RAB18: variants seen among roughly 807,000 people sequenced by gnomAD.
RAB18 encodes ras-related protein Rab-18.
Under a neutral mutation model 28.5 loss-of-function variants are expected in RAB18, and 10 were observed. The observed-to-expected ratio is 0.35, with a 90% CI of 0.22 to 0.60. RAB18 has a LOEUF of 0.60. RAB18 is among the 20% of genes least tolerant of loss of function. RAB18 has a pLI of 0.78. For synonymous variants in RAB18, 93 were observed against 86.9 expected, an observed-to-expected ratio of 1.07 and a Z score of -0.39; for missense variants, 188 against 244.2, an observed-to-expected ratio of 0.77 and a Z score of 1.53.
intron 2 of RAB18, among the ~76,000 whole-genome samples, chr10:27,512,083 C>G (rs1834336110): frequency 6.6e-6 from 1 of 151,890 alleles, no homozygotes; most frequent in African/African-American, 2.4e-5. Context: ...TACCACCATG[C>G]CCAGCTCAGG....
In RAB18 at chr10:27,539,367, T is replaced by C. The variant is rs1834974366; in HGVS notation, c.*1316T>C. On this transcript the variant is annotated 3_prime_UTR_variant, in exon 7 of 7. Transcript: ENST00000356940. ...ATACAATTGCAAATGATAAGCATTTTTGTGAGTGACCACCTTTGCAATATG... is the reference window on the plus strand; with the variant it reads ...ATACAATTGCAAATGATAAGCATTTCTGTGAGTGACCACCTTTGCAATATG... 3.4e-6 allele frequency: 1 copy of C among 296,260 alleles called. No individual in the cohort carries two copies. The highest frequency in any genetic ancestry group is 6.5e-6 in the Non-Finnish European group (1 of 153,414). 18.4% of individuals were successfully genotyped at this position (296,260 alleles called of 1,614,324 possible).
rs1216489947 is a variant in RAB18 at position 27,537,935 on chromosome 10, A to G, written c.505A>G (p.Ile169Val). 1 of 1,613,942 alleles carries G rather than the reference A, an allele frequency of 6.2e-7. No homozygotes were observed. Among genetic ancestry groups the G allele is most frequent in the African/African-American group, 1.3e-5 (1 of 74,922 alleles). Reference protein sequence around the residue: ...QCAFEELVEKIIQTPGLWESE... With the variant: ...QCAFEELVEKVIQTPGLWESE... ...TGCCTTTGAAGAACTTGTTGAAAAGATCATTCAGACCCCTGGACTGTGGGA... is the reference window on the plus strand; with the variant it reads ...TGCCTTTGAAGAACTTGTTGAAAAGGTCATTCAGACCCCTGGACTGTGGGA... The change falls in exon 7 of 7, where the codon ATC becomes GTC. Residue 169 changes from isoleucine to valine, a missense_variant. Coordinates refer to ENST00000356940, the MANE Select transcript of RAB18 (RefSeq NM_021252.5).
At chr10:27,532,758 T>C (rs527834601) in intron 4 of RAB18, among the ~76,000 whole-genome samples, 179 bp downstream of exon 4, 1 of 152,178 alleles carries the variant, frequency 6.6e-6, no homozygotes, top group East Asian at 1.9e-4. Context: ...TTTAGTCTTG[T>C]CTAGCACTTA....
chr10:27,526,874 T>C lies in RAB18; in HGVS notation c.171T>C (p.Ala57=), dbSNP rs1834682879. ...CAATTTCAGTGGATGGAAATAAGGC[T>C]AAACTTGCAATATGGGTAAGAGTTT... ...VKTISVDGNK[A]KLAIWDTAGQ... Residue 57 remains alanine, a synonymous_variant, in exon 3 of 7, where the codon GCT becomes GCC. Coordinates refer to ENST00000356940, the MANE Select transcript of RAB18 (RefSeq NM_021252.5). 1.2e-6 allele frequency: 2 copies of C among 1,613,166 alleles called. No individual in the cohort carries two copies. Among genetic ancestry groups the C allele is most frequent in the Non-Finnish European group, 1.7e-6 (2 of 1,179,362 alleles).
intron 2 of RAB18, among the ~76,000 whole-genome samples, chr10:27,522,539 T>G (rs1415207274): frequency 6.6e-6 from 1 of 152,186 alleles, no homozygotes; most frequent in Non-Finnish European, 1.5e-5. Flanking sequence ...TCTATTTGCA[T>G]TTAATATACC....
At chr10:27,525,002 G>C (rs1285453760) in intron 2 of RAB18, among the ~76,000 whole-genome samples, 1 of 152,164 alleles carries the variant, frequency 6.6e-6, no homozygotes, top group Non-Finnish European at 1.5e-5. Flanking sequence ...GTAAGTTTCA[G>C]ATATAATATG....
Position 27,542,183 on chromosome 10 carries a change from T to G in RAB18, c.*4132T>G. On this transcript the variant is annotated 3_prime_UTR_variant, in exon 7 of 7. Coordinates refer to ENST00000356940, the MANE Select transcript of RAB18 (RefSeq NM_021252.5). ...GGATCAAATTGGACCTGAATTGAGATCTATTTCTCAGCTTTCACTTATGTG... is the reference window on the plus strand; with the variant it reads ...GGATCAAATTGGACCTGAATTGAGAGCTATTTCTCAGCTTTCACTTATGTG... 1 of 454,140 alleles carries G rather than the reference T, an allele frequency of 2.2e-6. No homozygotes were observed. The highest frequency in any genetic ancestry group is 4.4e-6 in the Non-Finnish European group (1 of 226,800). The allele number at this position is 454,140 out of a possible 1,614,324, so 28.1% of individuals were successfully genotyped here.
At chr10:27,534,194 C>T (rs1351227262) in intron 6 of RAB18, among the ~76,000 whole-genome samples, 200 bp downstream of exon 6, 1 of 152,086 alleles carries the variant, frequency 6.6e-6, no homozygotes, top group Non-Finnish European at 1.5e-5. Flanking sequence ...TATGTGAAAT[C>T]ATATTAAAAA....
chr10:27,539,485 A>G lies in RAB18; in HGVS notation c.*1434A>G, dbSNP rs1267536775. ...CTACTTGATTTACACTTCCTAGTCTACATTACATGTGGTTGAAGGTTTTAT... is the reference window on the plus strand; with the variant it reads ...CTACTTGATTTACACTTCCTAGTCTGCATTACATGTGGTTGAAGGTTTTAT... On this transcript the variant is annotated 3_prime_UTR_variant, in exon 7 of 7. Transcript: ENST00000356940. 8.9e-6 allele frequency: 3 copies of G among 337,924 alleles called. No individual in the cohort carries two copies. Among genetic ancestry groups the G allele is most frequent in the Admixed American group, 8.8e-5 (2 of 22,690 alleles). The allele number at this position is 337,924 out of a possible 1,614,324, so 20.9% of individuals were successfully genotyped here.
chr10:27,526,931 C>T (rs1834684347), intron 3 of RAB18, 42 bp downstream of exon 3: 1 of 1,570,598 alleles, frequency 6.4e-7, no homozygotes, highest in South Asian at 1.1e-5. Context: ...TTAAACTTTA[C>T]TTTTTAAGGA....
chr10:27,523,695 C>T (rs1431209753), intron 2 of RAB18, among the ~76,000 whole-genome samples: 3 of 151,146 alleles, frequency 2.0e-5, no homozygotes, highest in Admixed American at 2.0e-4. Context: ...ACATTTCAGC[C>T]TCGACCTTTC....
chr10:27,524,065 G>GCAAGACTC (rs1834624375), intron 2 of RAB18, among the ~76,000 whole-genome samples: 1 of 151,550 alleles, frequency 6.6e-6, no homozygotes, highest in South Asian at 2.1e-4. Flanking sequence ...GGCCAACAGA[G>GCAAGACTC]CAAGACTCCG....
intron 6 of RAB18, among the ~76,000 whole-genome samples, 197 bp downstream of exon 6, chr10:27,534,191 A>C (rs1318678597): frequency 1.3e-5 from 2 of 152,186 alleles, no homozygotes; most frequent in Non-Finnish European, 2.9e-5. Flanking sequence ...TATTATGTGA[A>C]ATCATATTAA....
chr10:27,526,705 A>G (rs1238776316), intron 2 of RAB18, 123 bp from the exon 3 acceptor site: 1 of 1,139,390 alleles, frequency 8.8e-7, no homozygotes, highest in Non-Finnish European at 1.3e-6. Context: ...CCAGAATTCT[A>G]AGAAGTTGGG....
intron 2 of RAB18, among the ~76,000 whole-genome samples, chr10:27,514,733 ACATT>A (rs996005897): frequency 1.3e-5 from 2 of 152,074 alleles, no homozygotes; most frequent in African/African-American, 4.8e-5. Flanking sequence ...ATAAAAATAA[ACATT>A]CATACACACA....
In RAB18 at chr10:27,504,333, G is replaced by T; in HGVS notation, c.-37G>T. On this transcript the variant is annotated 5_prime_UTR_variant, in exon 1 of 7. Transcript: ENST00000356940. ...TGCTGAAGGGCTGAGAGGCGCACCC[G>T]GGCGGCCAGCTGGGCTCGGAGCGGA... 1 of 1,558,602 alleles carries T rather than the reference G, an allele frequency of 6.4e-7. No homozygotes were observed. Among genetic ancestry groups the T allele is most frequent in the East Asian group, 2.3e-5 (1 of 42,562 alleles).
intron 2 of RAB18, among the ~76,000 whole-genome samples, chr10:27,514,922 C>A (rs1834405368): frequency 6.6e-6 from 1 of 151,988 alleles, no homozygotes; most frequent in South Asian, 2.1e-4. Context: ...GCCACCATGC[C>A]CGGGTGATCT....
At chr10:27,529,479 C>T (rs1254711118) in intron 3 of RAB18, among the ~76,000 whole-genome samples, 1 of 151,838 alleles carries the variant, frequency 6.6e-6, no homozygotes, top group East Asian at 1.9e-4. Flanking sequence ...TAGCCCTGCC[C>T]CTCCTACCTC....
rs58688075 is a variant in RAB18 at position 27,520,916 on chromosome 10, CAAAAA to C, written c.125-5891_125-5887del. ...TGGGTGACAGAGCAAGACTCCATCT[CAAAAA>C]AAAAAAAAAAAAAAAAAAAAGAAAA... On this transcript the variant is annotated intron_variant, in intron 2 of 6. Coordinates refer to ENST00000356940, the MANE Select transcript of RAB18 (RefSeq NM_021252.5). Among the ~76,000 whole-genome samples, 8 of 40,090 alleles carry C rather than the reference CAAAAA, an allele frequency of 2.0e-4. No individual in the cohort carries two copies. In the Admixed American group the frequency reaches 2.2e-3, roughly 11 times the overall value. 26.3% of individuals were successfully genotyped at this position (40,090 alleles called of 152,430 possible).
Sources: allele counts gnomAD v4.1 joint callset (sites outside exome capture counted in the v4.1 genomes callset), GRCh38; gene constraint gnomAD v4.1.1; transcripts MANE v1.5; gene names NCBI Gene and HGNC (gene_info 2026-07-23, HGNC 2026-07-21).